ZDBF2: variants seen among roughly 807,000 people sequenced by gnomAD.
ZDBF2 encodes DBF4-type zinc finger-containing protein 2.
A neutral mutation model predicts 9.4 loss-of-function variants in ZDBF2; 6 were observed. That is an observed-to-expected ratio of 0.64 (90% CI 0.35 to 1.27). The LOEUF (loss-of-function observed/expected upper bound fraction) is 1.27, where lower values mean the gene tolerates loss of function less well. ZDBF2 is among the 50% of genes most tolerant of loss of function. ZDBF2 has a pLI of 0.03. For synonymous variants in ZDBF2, 905 were observed against 946.3 expected (o/e 0.96, Z 0.80); for missense variants, 2,697 against 2,766.8 (o/e 0.97, Z 0.57).
chr2:206,301,383 G>A (rs1033598021), intron 4 of ZDBF2, among the ~76,000 whole-genome samples: 4 of 151,314 alleles, frequency 2.6e-5, no homozygotes, highest in East Asian at 1.9e-4. Flanking sequence ...CTTCTTTTAT[G>A]CCTTTTTCTT....
rs182136465 is a variant in ZDBF2 at position 206,307,984 on chromosome 2, C to T, written c.3456C>T (p.Asn1152=). The T allele has an allele frequency of 2.2e-5, 36 of 1,613,714 alleles. No individual in the cohort carries two copies. The highest frequency in any genetic ancestry group is 1.7e-6 in the Non-Finnish European group (2 of 1,179,800). ...ACCATATGTACTTGGAAGTTAAGAA[C>T]AGCCAATATAGTTGTTCAGAAATGA... ...NENHMYLEVK[N]SQYSCSEMNL... is the part of the protein sequence containing the mutation. Residue 1152 remains asparagine (N), a synonymous_variant, in exon 5 of 5, where the codon AAC becomes AAT. Transcript: ENST00000374423.
At position 206,307,060 on chromosome 2, in the gene ZDBF2, T is replaced by C. The variant is rs1200386087; in HGVS notation, c.2532T>C (p.Pro844=). 6.2e-7 allele frequency: 1 copy of C among 1,612,644 alleles called. No individual in the cohort carries two copies. Among genetic ancestry groups the C allele is most frequent in the South Asian group, 1.1e-5 (1 of 90,784 alleles). The part of the protein sequence containing the change: ...DIPLHSGNDH[P]EVAVKEVIQK... ...CTCTTCATTCAGGAAATGATCACCC[T>C]GAAGTAGCTGTTAAAGAAGTAATTC... is the stretch of plus-strand genomic sequence containing the variant. The change falls in exon 5 of 5, where the codon CCT becomes CCC. Residue 844 remains proline (P), a synonymous_variant. Transcript: ENST00000374423.
rs1464838618 is a variant in ZDBF2 at position 206,279,568 on chromosome 2, A to C, written c.-74A>C. 6.6e-6 allele frequency: 1 copy of C among 152,206 alleles called. No individual in the cohort carries two copies. The highest frequency in any genetic ancestry group is 1.5e-5 in the Non-Finnish European group (1 of 68,040). 9.4% of individuals were successfully genotyped at this position (152,206 alleles called of 1,614,324 possible). On this transcript the variant is annotated 5_prime_UTR_variant, in exon 2 of 5. Transcript: ENST00000374423. The stretch of plus-strand genomic sequence containing the variant: ...CTTGCCAGAACTAATACAGCTGATG[A>C]AATACCTGACCTTTTCTGCTCCAGG...
Position 206,295,433 on chromosome 2 carries a change from G to A in ZDBF2, c.61-1813G>A, listed in dbSNP as rs536375819. On this transcript the variant is annotated intron_variant, in intron 3 of 4. Transcript: ENST00000374423. ...GGTTGGAGTGCAGTGATGCAGTCTCGGCTTACTGCAACCTCCGCCTCCAGG... is the reference window on the plus strand; with the variant it reads ...GGTTGGAGTGCAGTGATGCAGTCTCAGCTTACTGCAACCTCCGCCTCCAGG... 6.1e-5 allele frequency among the ~76,000 whole-genome samples: 9 copies of A among 147,484 alleles called. No individual in the cohort carries two copies. In the South Asian group the frequency reaches 1.5e-3, roughly 24 times the overall value.
Position 206,310,187 on chromosome 2 carries a change from A to G in ZDBF2, c.5659A>G (p.Thr1887Ala), listed in dbSNP as rs774240711. 22 of 1,613,904 alleles carry G rather than the reference A, an allele frequency of 1.4e-5. No individual in the cohort carries two copies. The highest frequency in any genetic ancestry group is 1.9e-5 in the Non-Finnish European group (22 of 1,179,898). Reference protein sequence around the residue: ...TWADLQGKEDTAPTQAVSESD... With the variant: ...TWADLQGKEDAAPTQAVSESD... ...GGCTGACTTGCAAGGTAAGGAGGAC[A>G]CTGCACCAACTCAAGCTGTGTCAGA... The change falls in exon 5 of 5, where the codon ACT becomes GCT. Residue 1887 changes from threonine to alanine, a missense_variant. Coordinates refer to ENST00000374423, the MANE Select transcript of ZDBF2 (RefSeq NM_020923.3).
intron 3 of ZDBF2, among the ~76,000 whole-genome samples, chr2:206,295,045 A>G (rs1342143913): frequency 6.6e-6 from 1 of 152,156 alleles, no homozygotes; most frequent in Non-Finnish European, 1.5e-5. Flanking sequence ...GGCTAGGAGC[A>G]CTAGCATGGA....
chr2:206,308,961 T>C lies in ZDBF2; in HGVS notation c.4433T>C (p.Leu1478Pro), dbSNP rs770841123. 2 of 1,613,502 alleles carry C rather than the reference T, an allele frequency of 1.2e-6. No individual in the cohort carries two copies. Among genetic ancestry groups the C allele is most frequent in the African/African-American group, 2.7e-5 (2 of 74,926 alleles). The change falls in exon 5 of 5, where the codon CTT (leucine) becomes CCT (proline). Residue 1478 changes from leucine to proline, a missense_variant. Leu to Pro is a moderately conservative substitution (Grantham distance 98). This residue lies in a region of ZDBF2 where 1,783 missense variants were observed against 1,776.5 expected (regional missense o/e 1.00). Coordinates refer to ENST00000374423, the MANE Select transcript of ZDBF2 (RefSeq NM_020923.3). Reference sequence around the variant, plus strand: ...CAAGTGTCTTACAAAGAGGCAGACCTTCAGAAGGAAGAGCATGTTGTCATG... The same window carrying C: ...CAAGTGTCTTACAAAGAGGCAGACCCTCAGAAGGAAGAGCATGTTGTCATG... Reference protein sequence around the residue: ...QPQVSYKEADLQKEEHVVMEE... With the variant: ...QPQVSYKEADPQKEEHVVMEE...
chr2:206,306,079 C>A lies in ZDBF2; in HGVS notation c.1551C>A (p.Asn517Lys). Residue 517 changes from asparagine to lysine, a missense_variant, in exon 5 of 5, where the codon AAC becomes AAA. Around this residue, in one of 3 missense-constraint regions of ZDBF2, gnomAD observed 910 missense variants for 973.6 expected, o/e 0.93. Coordinates refer to ENST00000374423, the MANE Select transcript of ZDBF2 (RefSeq NM_020923.3). ...CCCAACAATCTGTAACAGAAGTAAACCTTCCTAAGGAAGTGCACATTGGTT... is the reference window on the plus strand; with the variant it reads ...CCCAACAATCTGTAACAGAAGTAAAACTTCCTAAGGAAGTGCACATTGGTT... ...DYPQQSVTEV[N>K]LPKEVHIGLV... is the part of the protein sequence containing the mutation. 4 of 1,613,758 alleles carry A rather than the reference C, an allele frequency of 2.5e-6. No homozygotes were observed. The highest frequency in any genetic ancestry group is 3.4e-6 in the Non-Finnish European group (4 of 1,179,786).
At chr2:206,278,353 G>A (rs1231547814) in intron 1 of ZDBF2, among the ~76,000 whole-genome samples, 1 of 152,178 alleles carries the variant, frequency 6.6e-6, no homozygotes, top group African/African-American at 2.4e-5. Context: ...TAATTCTCCA[G>A]TATTTTAGGA....
Position 206,311,006 on chromosome 2 carries a change from C to G in ZDBF2, c.6478C>G (p.Pro2160Ala). Residue 2160 changes from proline (P) to alanine (A), a missense_variant, in exon 5 of 5, where the codon CCA (proline) becomes GCA (alanine). By Grantham distance (27) the Pro-to-Ala change is conservative. This residue lies in a region of ZDBF2 where 1,783 missense variants were observed against 1,776.5 expected (regional missense o/e 1.00). Transcript: ENST00000374423. ...FLNHDVVKIS[P>A]KSVRNKLLES... ...AAATCATGATGTTGTCAAAATCTCT[C>G]CAAAATCAGTTAGAAATAAGCTTTT... 1 of 1,610,990 alleles carries G rather than the reference C, an allele frequency of 6.2e-7. No homozygotes were observed. Among genetic ancestry groups the G allele is most frequent in the East Asian group, 2.2e-5 (1 of 44,856 alleles).
chr2:206,307,375 AAAT>A lies in ZDBF2; in HGVS notation c.2850_2852del (p.Asn950del), dbSNP rs1384156028. 6.2e-7 allele frequency: 1 copy of A among 1,613,172 alleles called. No homozygotes were observed. The highest frequency in any genetic ancestry group is 1.3e-5 in the African/African-American group (1 of 74,902). ...ACACAAAAGAGCACATGTACTTAGA[AAAT>A]AAGAGTGTTTTTGAAACAAGTTTGG... On this transcript the variant is annotated inframe_deletion, in exon 5 of 5. Transcript: ENST00000374423.
intron 4 of ZDBF2, among the ~76,000 whole-genome samples, chr2:206,299,769 C>T (rs1389163135): frequency 2.6e-5 from 4 of 151,906 alleles, no homozygotes; most frequent in South Asian, 2.1e-4. Flanking sequence ...TAGATGCATC[C>T]GGCCTGGGCA....
chr2:206,303,202 C>A (rs928722029), intron 4 of ZDBF2, among the ~76,000 whole-genome samples: 3 of 151,262 alleles, frequency 2.0e-5, no homozygotes, highest in Admixed American at 2.0e-4. Flanking sequence ...CTCTTTAGGT[C>A]CCTCTTGGCT....
intron 3 of ZDBF2, among the ~76,000 whole-genome samples, chr2:206,293,157 A>G (rs953172475): frequency 6.6e-6 from 1 of 152,194 alleles, no homozygotes; most frequent in African/African-American, 2.4e-5. Context: ...AGAAACAGAC[A>G]CATTTATGGA....
At chr2:206,292,080 C>G (rs1337446083) in intron 3 of ZDBF2, 1 of 398,106 alleles carries the variant, frequency 2.5e-6, no homozygotes, top group Non-Finnish European at 4.4e-6. Flanking sequence ...CCGATGGAAG[C>G]TCAGAGATAC....
chr2:206,305,326 A>G lies in ZDBF2; in HGVS notation c.798A>G (p.Ser266=), dbSNP rs1425579058. 2 of 1,612,200 alleles carry G rather than the reference A, an allele frequency of 1.2e-6. No homozygotes were observed. The highest frequency in any genetic ancestry group is 1.1e-5 in the South Asian group (1 of 90,622). Residue 266 remains serine (S), a synonymous_variant, in exon 5 of 5, where the codon TCA becomes TCG. Transcript: ENST00000374423. The part of the protein sequence containing the change: ...ESNRKSLRMN[S]DKLVLWKDVK... ...ATAGGAAATCTTTACGCATGAATTC[A>G]GATAAGTTGGTTTTGTGGAAAGATG... is the stretch of plus-strand genomic sequence containing the variant.
chr2:206,309,604 T>C lies in ZDBF2; in HGVS notation c.5076T>C (p.Asp1692=). The change falls in exon 5 of 5, where the codon GAT becomes GAC. Residue 1692 remains aspartate, a synonymous_variant. Transcript: ENST00000374423. The part of the protein sequence containing the change: ...KAHKEASLRK[D]PRNAGLKGKS... Reference sequence around the variant, plus strand: ...ACAAAGAAGCCAGTCTTCGGAAGGATCCAAGAAATGCTGGCCTAAAAGGTA... The same window carrying C: ...ACAAAGAAGCCAGTCTTCGGAAGGACCCAAGAAATGCTGGCCTAAAAGGTA... 6.2e-7 allele frequency: 1 copy of C among 1,613,794 alleles called. No individual in the cohort carries two copies. Among genetic ancestry groups the C allele is most frequent in the Non-Finnish European group, 8.5e-7 (1 of 1,179,854 alleles).
chr2:206,307,582 T>G lies in ZDBF2; in HGVS notation c.3054T>G (p.Val1018=), dbSNP rs751721087. ...CAGTAACTGAACCTCAAGTAGCTGTTAACAAAATAAACAGAAAGAAGCAAT... is the reference window on the plus strand; with the variant it reads ...CAGTAACTGAACCTCAAGTAGCTGTGAACAAAATAAACAGAAAGAAGCAAT... ...HYSVTEPQVA[V]NKINRKKQYV... The change falls in exon 5 of 5, where the codon GTT becomes GTG. Residue 1018 remains valine, a synonymous_variant. Transcript: ENST00000374423. The G allele has an allele frequency of 6.2e-7, 1 of 1,613,152 alleles. No homozygotes were observed. The highest frequency in any genetic ancestry group is 8.5e-7 in the Non-Finnish European group (1 of 1,179,606).
At chr2:206,288,235 C>T (rs1691698270) in intron 3 of ZDBF2, among the ~76,000 whole-genome samples, 1 of 152,172 alleles carries the variant, frequency 6.6e-6, no homozygotes, top group South Asian at 2.1e-4. Flanking sequence ...CTTTTACCTG[C>T]AGTTGGGCTT....
Sources: allele counts gnomAD v4.1 joint callset (sites outside exome capture counted in the v4.1 genomes callset), GRCh38; gene constraint gnomAD v4.1.1; regional missense constraint gnomAD v4.1.1; transcripts MANE v1.5; gene names NCBI Gene and HGNC (gene_info 2026-07-23, HGNC 2026-07-21).